Variants in SNX29 observed in about 807,000 individuals in gnomAD.
The protein encoded by SNX29 is sorting nexin 29.
Under a neutral mutation model 102.1 loss-of-function variants are expected in SNX29, and 78 were observed. That is an observed-to-expected ratio of 0.76 (90% confidence interval 0.64 to 0.92). The LOEUF is 0.92. Ranked by LOEUF, SNX29 falls within the 40% of genes least tolerant of loss-of-function variation. The probability of loss-of-function intolerance (pLI) is 0.00; values close to 1 mark genes in which losing one functional copy is unlikely to be tolerated. For missense variants in SNX29, 1,280 were observed against 1,061.7 expected, an observed-to-expected ratio of 1.21 and a Z score of -2.86; for synonymous variants, 580 against 414.5, an observed-to-expected ratio of 1.40 and a Z score of -4.85.
chr16:12,443,110 G>A, intron 18 of SNX29: 1 of 440,824 alleles, frequency 2.3e-6, no homozygotes, highest in South Asian at 1.6e-5. Flanking sequence ...TGTGTCAGAG[G>A]AAGATGGAGC....
rs6145751 is a variant in SNX29, at chr16:12,564,934, TAAAAA to T, written c.2319-3559_2319-3555del. On this transcript the variant is annotated intron_variant, in intron 20 of 20. Coordinates refer to ENST00000566228, the MANE Select transcript of SNX29 (RefSeq NM_032167.5). The stretch of plus-strand genomic sequence containing the variant: ...CAGGGACTGGAGGGAACCTTGGTGT[TAAAAA>T]AAAAAAAAAAAAGGCTGTCATTGTA... Among the ~76,000 whole-genome samples the T allele has an allele frequency of 2.2e-3, 313 of 144,932 alleles. 2 individuals carry two copies. The highest frequency in any genetic ancestry group is 0.016 in the South Asian group (70 of 4,490).
At chr16:12,442,527 C>A (rs2085853126) in intron 18 of SNX29, among the ~76,000 whole-genome samples, 1 of 151,814 alleles carries the variant, frequency 6.6e-6, no homozygotes, top group Non-Finnish European at 1.5e-5. Flanking sequence ...CAACTCTGTT[C>A]TTACAGAGTC....
intron 14 of SNX29, among the ~76,000 whole-genome samples, chr16:12,242,544 G>T (rs938213804): frequency 6.7e-6 from 1 of 148,542 alleles, no homozygotes; most frequent in South Asian, 2.1e-4. Context: ...CAGGGGTTCA[G>T]CTGTGTCTGA....
intron 11 of SNX29, among the ~76,000 whole-genome samples, chr16:12,083,669 C>T (rs962003035): frequency 1.3e-5 from 2 of 152,148 alleles, no homozygotes; most frequent in Non-Finnish European, 2.9e-5. Flanking sequence ...GAGTGAGTGT[C>T]GCAAATGCCG....
intron 1 of SNX29, among the ~76,000 whole-genome samples, chr16:11,994,472 T>C (rs1343621558): frequency 1.3e-5 from 2 of 152,070 alleles, no homozygotes; most frequent in African/African-American, 2.4e-5. Context: ...GTGATGGAGG[T>C]CGAGGGTGAG....
intron 20 of SNX29, chr16:12,560,738 C>G (rs1299371194): frequency 5.9e-6 from 1 of 168,962 alleles, no homozygotes; most frequent in Non-Finnish European, 1.3e-5. Flanking sequence ...TCAAAACCAA[C>G]CTCTGCTCCT....
At chr16:12,011,582 T>C (rs1022576330) in intron 3 of SNX29, among the ~76,000 whole-genome samples, 1 of 152,150 alleles carries the variant, frequency 6.6e-6, no homozygotes, top group Non-Finnish European at 1.5e-5. Flanking sequence ...GCCCTGAACC[T>C]ATTTTTATAT....
chr16:12,061,361 G>A, intron 8 of SNX29, 167 bp from the exon 9 acceptor site: 1 of 609,104 alleles, frequency 1.6e-6, no homozygotes. Context: ...AAATGCAAGA[G>A]GTCTGGATCT....
chr16:12,091,970 C>G (rs1038389701), intron 11 of SNX29, among the ~76,000 whole-genome samples: 3 of 152,082 alleles, frequency 2.0e-5, no homozygotes, highest in Admixed American at 1.3e-4. Flanking sequence ...CACAGTGCAC[C>G]GGGTCCATGG....
chr16:12,431,880 C>G (rs947365463), intron 18 of SNX29, among the ~76,000 whole-genome samples: 1 of 152,192 alleles, frequency 6.6e-6, no homozygotes, highest in African/African-American at 2.4e-5. Context: ...TTCATTCTTT[C>G]TTTCAGCTAA....
chr16:12,304,866 G>A (rs1010367754), intron 15 of SNX29, among the ~76,000 whole-genome samples: 5 of 152,166 alleles, frequency 3.3e-5, no homozygotes, highest in Non-Finnish European at 5.9e-5. Flanking sequence ...AGAACATTCT[G>A]GAAAGCTGAG....
At chr16:12,118,049 A>G (rs978877235) in intron 11 of SNX29, among the ~76,000 whole-genome samples, 1 of 151,380 alleles carries the variant, frequency 6.6e-6, no homozygotes, top group African/African-American at 2.4e-5. Flanking sequence ...GTGAGCCGAG[A>G]TCCCACCACT....
At chr16:12,550,981 G>A (rs1201508518) in intron 20 of SNX29, among the ~76,000 whole-genome samples, 1 of 152,188 alleles carries the variant, frequency 6.6e-6, no homozygotes, top group Non-Finnish European at 1.5e-5. Context: ...ACAACAAAAA[G>A]CTGTTTCTCA....
chr16:12,160,106 A>G (rs906737790), intron 13 of SNX29, among the ~76,000 whole-genome samples: 1 of 152,218 alleles, frequency 6.6e-6, no homozygotes. Context: ...AGCAGGGAAT[A>G]GCACCGTGAC....
At chr16:12,492,462 T>A (rs1027264881) in intron 19 of SNX29, among the ~76,000 whole-genome samples, 5 of 152,356 alleles carry the variant, frequency 3.3e-5, no homozygotes, top group African/African-American at 1.2e-4. Context: ...TGCAAAAATT[T>A]TCTCCCATTT....
At chr16:12,283,760 T>G (rs1445260036) in intron 15 of SNX29, among the ~76,000 whole-genome samples, 1 of 152,238 alleles carries the variant, frequency 6.6e-6, no homozygotes, top group Non-Finnish European at 1.5e-5. Context: ...GAGGCAGACG[T>G]GCCTGTTCTA....
chr16:12,035,249 G>C (rs2057443161), intron 4 of SNX29, among the ~76,000 whole-genome samples: 1 of 131,842 alleles, frequency 7.6e-6, no homozygotes, highest in Admixed American at 8.5e-5. Context: ...GTCTTGCTCT[G>C]TTGCCAGGCT....
chr16:12,073,438 T>C (rs1256680872), intron 10 of SNX29, among the ~76,000 whole-genome samples: 1 of 152,240 alleles, frequency 6.6e-6, no homozygotes, highest in African/African-American at 2.4e-5. Flanking sequence ...TACCCAGTAG[T>C]CATTCAGGAG....
rs531261475 is a variant in SNX29, at chr16:12,178,984, G to C, written c.1596-20617G>C. On this transcript the variant is annotated intron_variant, in intron 13 of 20. Transcript: ENST00000566228. ...GAGATGCTTTGTATGTGAATGCTTT[G>C]TATATGGGTTAAATATAAAATAGCA... Among the ~76,000 whole-genome samples, 198 of 152,264 alleles carry C rather than the reference G, an allele frequency of 1.3e-3. 1 individual carries two copies. The highest frequency in any genetic ancestry group is 1.8e-4 in the Non-Finnish European group (12 of 68,030).
Sources: gnomAD v4.1 joint callset for allele counts (sites outside exome capture counted in the v4.1 genomes callset) on GRCh38, gnomAD v4.1.1 for gene constraint, MANE v1.5 for transcripts, NCBI Gene and HGNC (gene_info 2026-07-23, HGNC 2026-07-21) for gene names.